SEPTIN2: variants seen among roughly 807,000 people sequenced by gnomAD.
The protein encoded by SEPTIN2 is septin-2.
SEPTIN2 carries 34 observed loss-of-function variants against 46.5 expected under a neutral mutation model. The ratio of observed to expected loss-of-function variants is 0.73; its 90% CI spans 0.56 to 0.97. The LOEUF is 0.97. Among genes scored for constraint, SEPTIN2 ranks in the 50% least tolerant of loss-of-function variants. The probability of loss-of-function intolerance (pLI) is 0.00; values close to 1 mark genes in which losing one functional copy is unlikely to be tolerated. For synonymous variants in SEPTIN2, 175 were observed against 153.4 expected (o/e 1.14, Z -1.04); for missense variants, 347 against 448.4 (o/e 0.77, Z 2.04).
chr2:241,339,255 TGGTGGCGGGCATCTG>T (rs1163849130), intron 7 of SEPTIN2, among the ~76,000 whole-genome samples: 4 of 150,710 alleles, frequency 2.7e-5, no homozygotes, highest in Non-Finnish European at 5.9e-5. Flanking sequence ...TAGCCGGGCG[TGGTGGCGGGCATCTG>T]TAGTCCCAGC....
intron 2 of SEPTIN2, chr2:241,324,574 T>C: frequency 2.5e-6 from 1 of 395,310 alleles, no homozygotes; most frequent in Admixed American, 3.5e-5. Context: ...TTTAGTAAAT[T>C]CGGGGTTTCA....
chr2:241,316,859 C>T, intron 1 of SEPTIN2: 1 of 255,498 alleles, frequency 3.9e-6, no homozygotes, highest in Non-Finnish European at 7.5e-6. Flanking sequence ...ACCTTAACTG[C>T]CTTCTCCTTA....
At chr2:241,338,909 TAA>T (rs1429855265) in intron 7 of SEPTIN2, among the ~76,000 whole-genome samples, 2 of 80,428 alleles carry the variant, frequency 2.5e-5, no homozygotes, top group Non-Finnish European at 4.8e-5. Flanking sequence ...ATATTATATA[TAA>T]TATATATAAT....
At chr2:241,339,868 T>C (rs570331469) in intron 7 of SEPTIN2, among the ~76,000 whole-genome samples, 1 of 152,282 alleles carries the variant, frequency 6.6e-6, no homozygotes, top group East Asian at 1.9e-4. Flanking sequence ...CTCTAGCGTG[T>C]TTTTTGGCTT....
chr2:241,324,266 C>T, intron 2 of SEPTIN2, 25 bp downstream of exon 2: 4 of 1,594,806 alleles, frequency 2.5e-6, no homozygotes, highest in Non-Finnish European at 3.4e-6. Context: ...CATGTATCTA[C>T]AGCATAAGGA....
chr2:241,347,148 TA>T (rs955901233), intron 10 of SEPTIN2, among the ~76,000 whole-genome samples: 2 of 152,056 alleles, frequency 1.3e-5, no homozygotes, highest in African/African-American at 2.4e-5. Flanking sequence ...TCCCAGCTAC[TA>T]GGGGGAGGAT....
intron 7 of SEPTIN2, among the ~76,000 whole-genome samples, chr2:241,338,223 C>A (rs1471147959): frequency 6.6e-6 from 1 of 152,106 alleles, no homozygotes; most frequent in Non-Finnish European, 1.5e-5. Flanking sequence ...CAGCGAAGCG[C>A]CTCTCACCCG....
intron 3 of SEPTIN2, among the ~76,000 whole-genome samples, chr2:241,330,706 A>G (rs1030463851): frequency 2.0e-5 from 3 of 152,264 alleles, no homozygotes; most frequent in Non-Finnish European, 4.4e-5. Context: ...TAATGTATCA[A>G]TCCCATTGGA....
chr2:241,343,929 A>C, intron 9 of SEPTIN2, 32 bp downstream of exon 9: 1 of 1,611,908 alleles, frequency 6.2e-7, no homozygotes, highest in Non-Finnish European at 8.5e-7. Flanking sequence ...TTCTGGCAGA[A>C]TTTGGCGTGA....
intron 10 of SEPTIN2, 51 bp from the exon 11 acceptor site, chr2:241,348,083 C>A: frequency 1.4e-6 from 2 of 1,441,630 alleles, no homozygotes; most frequent in Non-Finnish European, 9.6e-7. Context: ...GGGGGGGTAG[C>A]AAATAACTAT....
chr2:241,349,928 G>T lies in SEPTIN2; in HGVS notation c.985-145G>T. On this transcript the variant is annotated intron_variant, in intron 11 of 12. Coordinates refer to ENST00000391971, the MANE Select transcript of SEPTIN2 (RefSeq NM_004404.5). ...CTCTTTAGCTGTTGCTTTTTTTATTGATTGGTAAAAAGTCTTTATGTAATA... is the reference window on the plus strand; with the variant it reads ...CTCTTTAGCTGTTGCTTTTTTTATTTATTGGTAAAAAGTCTTTATGTAATA... 3 of 681,018 alleles carry T rather than the reference G, an allele frequency of 4.4e-6. No individual in the cohort carries two copies. The highest frequency in any genetic ancestry group is 2.8e-5 in the Admixed American group (1 of 35,556). 42.2% of individuals were successfully genotyped at this position (681,018 alleles called of 1,614,324 possible). A position where few individuals can be genotyped will look rare whatever the true frequency, so the allele number is the denominator to read the frequency against.
At chr2:241,327,414 GAAAAA>G (rs201456497) in intron 3 of SEPTIN2, among the ~76,000 whole-genome samples, 5 of 134,096 alleles carry the variant, frequency 3.7e-5, no homozygotes, top group Non-Finnish European at 8.0e-5. Flanking sequence ...GGAAAAGCTG[GAAAAA>G]AAAAAGAAAT....
chr2:241,316,626 A>C (rs1283288431), intron 1 of SEPTIN2: 1 of 1,135,228 alleles, frequency 8.8e-7, no homozygotes, highest in Admixed American at 3.1e-5. Context: ...TGAGGAGCAA[A>C]CCTGTGGCTT....
intron 1 of SEPTIN2, 117 bp from the exon 2 acceptor site, chr2:241,324,099 A>G (rs1294143102): frequency 1.4e-5 from 12 of 883,838 alleles, no homozygotes; most frequent in Middle Eastern, 3.1e-4. Context: ...TTCTTTTTAC[A>G]TTGCCTATGT....
At chr2:241,339,057 A>ATT (rs1381956281) in intron 7 of SEPTIN2, among the ~76,000 whole-genome samples, 1 of 132,390 alleles carries the variant, frequency 7.6e-6, no homozygotes, top group African/African-American at 2.8e-5. Flanking sequence ...ATTTTTATAT[A>ATT]TTATATATAT....
intron 4 of SEPTIN2, chr2:241,335,722 T>G (rs2079848667): frequency 1.7e-6 from 1 of 576,056 alleles, no homozygotes; most frequent in Non-Finnish European, 3.1e-6. Context: ...GTAAATTGCT[T>G]TCTTTTTCCC....
chr2:241,325,043 T>C (rs2077716469), intron 2 of SEPTIN2: 1 of 151,874 alleles, frequency 6.6e-6, no homozygotes, highest in East Asian at 1.9e-4. Flanking sequence ...TTTTTGCATT[T>C]TATACCAGTG....
intron 3 of SEPTIN2, among the ~76,000 whole-genome samples, chr2:241,332,923 A>G (rs377566163): frequency 6.6e-6 from 1 of 152,246 alleles, no homozygotes; most frequent in South Asian, 2.1e-4. Flanking sequence ...AAGCTGATAC[A>G]TAGTGACAAA....
At chr2:241,338,721 ATAT>A (rs371818196) in intron 7 of SEPTIN2, among the ~76,000 whole-genome samples, 2,159 of 109,480 alleles carry the variant, frequency 0.02, 221 homozygotes, top group Admixed American at 0.19. Context: ...TTTATATAAT[ATAT>A]TATATATATT....
Sources: gnomAD v4.1 joint callset for allele counts (sites outside exome capture counted in the v4.1 genomes callset) on GRCh38, gnomAD v4.1.1 for gene constraint, MANE v1.5 for transcripts, NCBI Gene and HGNC (gene_info 2026-07-23, HGNC 2026-07-21) for gene names.